MIPEP: variants seen among roughly 807,000 people sequenced by gnomAD.
The protein encoded by MIPEP is mitochondrial intermediate peptidase.
A neutral mutation model predicts 90.3 loss-of-function variants in MIPEP; 79 were observed. The observed-to-expected ratio is 0.87, with a 90% CI of 0.73 to 1.05. MIPEP has a LOEUF of 1.05. Ranked by LOEUF, MIPEP falls within the 50% of genes least tolerant of loss-of-function variation. The pLI is 0.00. For synonymous variants in MIPEP, 334 were observed against 315.8 expected (o/e 1.06, Z -0.61); for missense variants, 940 against 905.6 (o/e 1.04, Z -0.49).
chr13:23,799,393 T>C (rs1391607831), intron 16 of MIPEP, among the ~76,000 whole-genome samples: 4 of 152,164 alleles, frequency 2.6e-5, no homozygotes, highest in Admixed American at 6.5e-5. Flanking sequence ...AGTGGTGCGA[T>C]GTGGGCTCAC....
rs138000076 is a variant in MIPEP, at chr13:23,841,479, A to G, written c.1116T>C (p.Ile372=). Residue 372 remains isoleucine, a synonymous_variant, in exon 11 of 19, where the codon ATT becomes ATC. Transcript: ENST00000382172. ...AAAACGGGCAATATAGGCTGGGCTC[A>G]ATATTATACCTAAGAGAAGGAAGAG... ...SGVIRAERYN[I]EPSLYCPFFS... The G allele has an allele frequency of 3.6e-5, 58 of 1,607,142 alleles. No individual in the cohort carries two copies. The African/African-American group carries it at 6.7e-4, about 19-fold the overall frequency.
intron 16 of MIPEP, among the ~76,000 whole-genome samples, chr13:23,762,644 C>T (rs966775697): frequency 6.6e-6 from 1 of 152,228 alleles, no homozygotes; most frequent in Non-Finnish European, 1.5e-5. Flanking sequence ...CATGCCCCTT[C>T]CTCCTTGGGG....
chr13:23,884,975 A>G (rs1231548283), intron 2 of MIPEP, among the ~76,000 whole-genome samples: 1 of 152,214 alleles, frequency 6.6e-6, no homozygotes, highest in Non-Finnish European at 1.5e-5. Context: ...CCTGGAAATG[A>G]GTATATCGAA....
intron 18 of MIPEP, among the ~76,000 whole-genome samples, chr13:23,741,534 T>A (rs532909830): frequency 6.6e-6 from 1 of 152,016 alleles, no homozygotes; most frequent in Non-Finnish European, 1.5e-5. Context: ...CTGGATGGAG[T>A]TGGAGGCCAT....
intron 14 of MIPEP, among the ~76,000 whole-genome samples, chr13:23,814,127 A>C (rs17079379): frequency 0.082 from 12,475 of 152,292 alleles, 1,731 homozygotes; most frequent in African/African-American, 0.28. Flanking sequence ...GTTTTACCAG[A>C]TACTATTTCA....
chr13:23,884,188 A>G (rs1205610030), intron 2 of MIPEP, among the ~76,000 whole-genome samples: 41 of 148,128 alleles, frequency 2.8e-4, no homozygotes, highest in Non-Finnish European at 1.8e-4. Context: ...AGGGAGAGAG[A>G]ACAGATTAGT....
intron 10 of MIPEP, among the ~76,000 whole-genome samples, chr13:23,847,527 A>C (rs1363691688): frequency 6.6e-6 from 1 of 152,096 alleles, no homozygotes; most frequent in African/African-American, 2.4e-5. Context: ...CAGTAAAACA[A>C]ATTACTGAAT....
At chr13:23,819,345 C>T (rs2137425951) in intron 14 of MIPEP, among the ~76,000 whole-genome samples, 1 of 152,314 alleles carries the variant, frequency 6.6e-6, no homozygotes, top group East Asian at 1.9e-4. Flanking sequence ...TGGAAGCTCC[C>T]TTTGCTTTAA....
chr13:23,887,042 C>T (rs1203739849), intron 1 of MIPEP, among the ~76,000 whole-genome samples: 1 of 152,062 alleles, frequency 6.6e-6, no homozygotes, highest in Non-Finnish European at 1.5e-5. Context: ...CAGCAGCTGA[C>T]AAGGTGAGAT....
At chr13:23,805,350 C>A (rs933004847) in intron 16 of MIPEP, among the ~76,000 whole-genome samples, 1 of 152,150 alleles carries the variant, frequency 6.6e-6, no homozygotes, top group African/African-American at 2.4e-5. Flanking sequence ...TCAGACAGGA[C>A]ATATAATGTG....
chr13:23,879,139 G>A, intron 4 of MIPEP, 129 bp downstream of exon 4: 1 of 683,870 alleles, frequency 1.5e-6, no homozygotes, highest in Non-Finnish European at 2.6e-6. Flanking sequence ...AAGTGCAGGA[G>A]TCATAGAGAT....
At chr13:23,834,322 C>G (rs1263582017) in intron 14 of MIPEP, among the ~76,000 whole-genome samples, 1 of 152,170 alleles carries the variant, frequency 6.6e-6, no homozygotes, top group Non-Finnish European at 1.5e-5. Flanking sequence ...ACCCATATGC[C>G]CGTGTTTTTC....
intron 14 of MIPEP, among the ~76,000 whole-genome samples, chr13:23,814,287 CG>C: frequency 6.6e-6 from 1 of 152,128 alleles, no homozygotes; most frequent in East Asian, 1.9e-4. Context: ...GACGGAGTCT[CG>C]CTCTGTTGCC....
chr13:23,853,385 A>G (rs1869894019), intron 10 of MIPEP, among the ~76,000 whole-genome samples: 2 of 152,086 alleles, frequency 1.3e-5, no homozygotes, highest in African/African-American at 4.8e-5. Context: ...TTAGATGCAT[A>G]TATACTTATC....
At chr13:23,799,064 T>C (rs1221158558) in intron 16 of MIPEP, among the ~76,000 whole-genome samples, 6 of 130,684 alleles carry the variant, frequency 4.6e-5, no homozygotes, top group Non-Finnish European at 9.3e-5. Context: ...GGTGCAGTGG[T>C]GTGATTTCGG....
chr13:23,730,974 C>T (rs1952198566), intron 18 of MIPEP, among the ~76,000 whole-genome samples: 2 of 152,180 alleles, frequency 1.3e-5, no homozygotes, highest in Admixed American at 6.5e-5. Flanking sequence ...ACGCAGAAGT[C>T]ACTTAAAATC....
intron 16 of MIPEP, among the ~76,000 whole-genome samples, chr13:23,792,713 G>A (rs1321320723): frequency 6.6e-6 from 1 of 152,148 alleles, no homozygotes; most frequent in East Asian, 1.9e-4. Context: ...CAAAACCCTT[G>A]CAGTAATTTT....
intron 16 of MIPEP, among the ~76,000 whole-genome samples, chr13:23,789,242 T>C (rs760203563): frequency 6.6e-6 from 1 of 152,272 alleles, no homozygotes; most frequent in African/African-American, 2.4e-5. Context: ...CAGTACATTT[T>C]ATTCATCATG....
chr13:23,731,967 A>AT (rs1952210552), intron 18 of MIPEP, among the ~76,000 whole-genome samples: 2 of 95,000 alleles, frequency 2.1e-5, no homozygotes, highest in Non-Finnish European at 4.0e-5. Context: ...CAGAATAGCT[A>AT]ATTTTTTTTT....
Sources: gnomAD v4.1 joint callset for allele counts (sites outside exome capture counted in the v4.1 genomes callset) on GRCh38, gnomAD v4.1.1 for gene constraint, MANE v1.5 for transcripts, NCBI Gene and HGNC (gene_info 2026-07-23, HGNC 2026-07-21) for gene names.